RNF220: variants seen among roughly 807,000 people sequenced by gnomAD.
The protein encoded by RNF220 is E3 ubiquitin-protein ligase RNF220.
Under a neutral mutation model 67.1 loss-of-function variants are expected in RNF220, and 7 were observed. The ratio of observed to expected loss-of-function variants is 0.10; its 90% CI spans 0.06 to 0.20. RNF220 has a LOEUF of 0.20. RNF220 is among the 10% of genes least tolerant of loss of function. The pLI is 1.00. For synonymous variants in RNF220, 270 were observed against 283.2 expected (o/e 0.95, Z 0.47); for missense variants, 565 against 740.3 (o/e 0.76, Z 2.75).
intron 1 of RNF220, among the ~76,000 whole-genome samples, chr1:44,407,509 A>G (rs1159371948): frequency 6.6e-6 from 1 of 151,992 alleles, no homozygotes; most frequent in Non-Finnish European, 1.5e-5. Context: ...ACCCGGCAAA[A>G]GTGGCGTGAG....
At chr1:44,516,113 T>C (rs1572739455) in intron 2 of RNF220, among the ~76,000 whole-genome samples, 1 of 152,356 alleles carries the variant, frequency 6.6e-6, no homozygotes, top group East Asian at 1.9e-4. Context: ...ACTTTTTGCT[T>C]AAAATTATGG....
intron 2 of RNF220, among the ~76,000 whole-genome samples, chr1:44,586,561 G>A (rs913768618): frequency 1.3e-5 from 2 of 152,124 alleles, no homozygotes; most frequent in African/African-American, 4.8e-5. Flanking sequence ...CATCCCAGAC[G>A]GTGGGGAAGG....
At chr1:44,620,265 G>T (rs1320387679) in intron 3 of RNF220, among the ~76,000 whole-genome samples, 2 of 152,242 alleles carry the variant, frequency 1.3e-5, no homozygotes, top group Non-Finnish European at 1.5e-5. Context: ...ACTTTGTAGA[G>T]ATTTTGTGAA....
intron 5 of RNF220, among the ~76,000 whole-genome samples, chr1:44,629,543 A>C (rs1257867865): frequency 6.6e-6 from 1 of 152,176 alleles, no homozygotes; most frequent in African/African-American, 2.4e-5. Flanking sequence ...AGGAGTATAA[A>C]TAAGTTTCTA....
At chr1:44,616,921 G>A (rs1402394917) in intron 3 of RNF220, among the ~76,000 whole-genome samples, 1 of 152,134 alleles carries the variant, frequency 6.6e-6, no homozygotes, top group Non-Finnish European at 1.5e-5. Context: ...TCTGCCAACA[G>A]CCTTCCTTTT....
intron 4 of RNF220, 27 bp from the exon 5 acceptor site, chr1:44,626,270 G>C: frequency 3.2e-6 from 5 of 1,585,122 alleles, no homozygotes; most frequent in Non-Finnish European, 4.3e-6. Flanking sequence ...TTTGGCCTGA[G>C]GCCACATGTC....
At chr1:44,544,704 G>A (rs1283351608) in intron 2 of RNF220, among the ~76,000 whole-genome samples, 1 of 152,220 alleles carries the variant, frequency 6.6e-6, no homozygotes, top group East Asian at 1.9e-4. Context: ...AAGCCTTGTG[G>A]AACTTTGCCT....
chr1:44,641,693 T>G (rs1174156435), intron 8 of RNF220, among the ~76,000 whole-genome samples: 1 of 152,188 alleles, frequency 6.6e-6, no homozygotes, highest in Non-Finnish European at 1.5e-5. Flanking sequence ...TAAAGTTTAA[T>G]GTGCTGGGAA....
At chr1:44,508,430 T>G (rs1658645855) in intron 2 of RNF220, among the ~76,000 whole-genome samples, 1 of 152,164 alleles carries the variant, frequency 6.6e-6, no homozygotes, top group African/African-American at 2.4e-5. Context: ...AGGCTGCCCC[T>G]TTTCTCTACC....
intron 2 of RNF220, among the ~76,000 whole-genome samples, chr1:44,434,819 T>G (rs1241964926): frequency 1.3e-5 from 2 of 151,090 alleles, no homozygotes; most frequent in Admixed American, 6.6e-5. Flanking sequence ...CACAGTAGTT[T>G]GAAACCACCT....
intron 2 of RNF220, among the ~76,000 whole-genome samples, chr1:44,575,224 C>T (rs1205494401): frequency 6.6e-6 from 1 of 152,190 alleles, no homozygotes; most frequent in Non-Finnish European, 1.5e-5. Context: ...TTCTCTACCT[C>T]CATGAGATCA....
chr1:44,613,837 A>G (rs909701223), intron 2 of RNF220, among the ~76,000 whole-genome samples: 1 of 152,238 alleles, frequency 6.6e-6, no homozygotes, highest in Non-Finnish European at 1.5e-5. Context: ...AGATCACGCT[A>G]CTGTACTCCA....
chr1:44,489,112 A>G (rs1488471507), intron 2 of RNF220, among the ~76,000 whole-genome samples: 2 of 152,286 alleles, frequency 1.3e-5, no homozygotes, highest in East Asian at 3.9e-4. Context: ...TCACTTTGCA[A>G]GCAAAAGGCA....
chr1:44,535,803 C>A (rs111430943), intron 2 of RNF220, among the ~76,000 whole-genome samples: 1 of 152,142 alleles, frequency 6.6e-6, no homozygotes, highest in African/African-American at 2.4e-5. Flanking sequence ...TTCTGGTCAG[C>A]GAGCAGACCT....
intron 2 of RNF220, among the ~76,000 whole-genome samples, chr1:44,611,721 T>C (rs1210923948): frequency 6.6e-6 from 1 of 151,978 alleles, no homozygotes; most frequent in African/African-American, 2.4e-5. Context: ...TCACGGGCTC[T>C]CTTTTTGCCT....
intron 2 of RNF220, among the ~76,000 whole-genome samples, chr1:44,526,325 C>A (rs887796034): frequency 6.6e-6 from 1 of 152,170 alleles, no homozygotes; most frequent in Admixed American, 6.5e-5. Flanking sequence ...CAAAATATTT[C>A]TCTTCACTGC....
chr1:44,584,714 T>C (rs897111250), intron 2 of RNF220, among the ~76,000 whole-genome samples: 1 of 152,230 alleles, frequency 6.6e-6, no homozygotes, highest in African/African-American at 2.4e-5. Flanking sequence ...GCTTTTTTCT[T>C]TTGAGACTGA....
At chr1:44,500,807 G>A (rs1657776615) in intron 2 of RNF220, among the ~76,000 whole-genome samples, 2 of 152,158 alleles carry the variant, frequency 1.3e-5, no homozygotes, top group East Asian at 1.9e-4. Context: ...AGAGGAGGGA[G>A]GGAGGAGCTC....
In RNF220 at chr1:44,649,980, G is replaced by T. The variant is rs1044626399; in HGVS notation, c.1629+23G>T. 3 of 1,611,230 alleles carry T rather than the reference G, an allele frequency of 1.9e-6. No homozygotes were observed. The South Asian group carries it at 3.3e-5, about 18-fold the overall frequency. The stretch of plus-strand genomic sequence containing the variant: ...CTGGTGAGGTGGCATGGGGGTCGGG[G>T]AATGGGAGGCCGCTCCGGGCACTGC... On this transcript the variant is annotated intron_variant, in intron 14 of 14. Transcript: ENST00000361799. The surrounding 1 kb of genome is among the most constrained non-coding windows in gnomAD (Gnocchi z 5.9).
Sources: gnomAD v4.1 joint callset for allele counts (sites outside exome capture counted in the v4.1 genomes callset) on GRCh38, gnomAD v4.1.1 for gene constraint, Gnocchi (gnomAD v3.1) non-coding constraint, MANE v1.5 for transcripts, NCBI Gene and HGNC (gene_info 2026-07-23, HGNC 2026-07-21) for gene names.